PPFIA1: variants seen among roughly 807,000 people sequenced by gnomAD.
The protein encoded by PPFIA1 is liprin-alpha-1.
PPFIA1 carries 25 observed loss-of-function variants against 149.9 expected under a neutral mutation model. The ratio of observed to expected loss-of-function variants is 0.17; its 90% CI spans 0.12 to 0.23. The LOEUF is 0.23. PPFIA1 is among the 10% of genes least tolerant of loss of function. The pLI is 1.00. For missense variants in PPFIA1, 1,362 were observed against 1,506.5 expected, an observed-to-expected ratio of 0.90 and a Z score of 1.59; for synonymous variants, 549 against 552.8, an observed-to-expected ratio of 0.99 and a Z score of 0.10.
intron 2 of PPFIA1, among the ~76,000 whole-genome samples, chr11:70,315,692 T>G (rs2053575599): frequency 1.4e-5 from 2 of 147,414 alleles, no homozygotes; most frequent in South Asian, 4.3e-4. Flanking sequence ...TTTTTTTTTT[T>G]TTTTTTTTTT....
chr11:70,325,209 G>A (rs2054187311), intron 4 of PPFIA1, 198 bp downstream of exon 4: 1 of 502,032 alleles, frequency 2.0e-6, no homozygotes, highest in Non-Finnish European at 3.2e-6. Flanking sequence ...TTGATTTGCT[G>A]TTACAAATTG....
chr11:70,283,413 A>G (rs1162854313), intron 2 of PPFIA1, among the ~76,000 whole-genome samples: 2 of 152,082 alleles, frequency 1.3e-5, no homozygotes, highest in Admixed American at 1.3e-4. Flanking sequence ...CAATCTGCCA[A>G]TCCCTGAAGC....
At chr11:70,366,921 AT>A (rs1197061450) in intron 21 of PPFIA1, among the ~76,000 whole-genome samples, 1 of 151,800 alleles carries the variant, frequency 6.6e-6, no homozygotes, top group Non-Finnish European at 1.5e-5. Flanking sequence ...TTCTCTCTTG[AT>A]TTAAGCATTC....
Position 70,382,212 on chromosome 11 carries a change from C to A in PPFIA1, c.*12+54C>A. ...GATGGCTCAGAGGCACAGCAGGAGTCATCGGAGCTGCAGTGCCAGACTAGG... is the reference window on the plus strand; with the variant it reads ...GATGGCTCAGAGGCACAGCAGGAGTAATCGGAGCTGCAGTGCCAGACTAGG... On this transcript the variant is annotated intron_variant, in intron 27 of 27. Transcript: ENST00000253925. 6 of 1,426,434 alleles carry A rather than the reference C, an allele frequency of 4.2e-6. No homozygotes were observed. The South Asian group carries it at 5.9e-5, about 14-fold the overall frequency. 88.4% of individuals were successfully genotyped at this position (1,426,434 alleles called of 1,614,324 possible).
chr11:70,352,453 T>C (rs2056106812), intron 16 of PPFIA1, among the ~76,000 whole-genome samples: 1 of 152,166 alleles, frequency 6.6e-6, no homozygotes, highest in Non-Finnish European at 1.5e-5. Context: ...AGCATGTTGA[T>C]TGACACTTAG....
chr11:70,377,169 C>CCCTCAAAA (rs2057527710), intron 25 of PPFIA1, among the ~76,000 whole-genome samples: 1 of 151,722 alleles, frequency 6.6e-6, no homozygotes, highest in Admixed American at 6.6e-5. Flanking sequence ...TTTTTGACAT[C>CCCTCAAAA]CCTCAAAAAT....
chr11:70,332,098 G>T lies in PPFIA1; in HGVS notation c.1212+4G>T. ...GAGGGTGGCAGCGCTTTCCAAGGTA[G>T]TGCCATGAGCTTCATTCTGGTTCGG... is the stretch of plus-strand genomic sequence containing the variant. On this transcript the variant is annotated splice_donor_region_variant and intron_variant, in intron 9 of 27. Transcript: ENST00000253925. The T allele has an allele frequency of 2.5e-6, 4 of 1,592,156 alleles. No individual in the cohort carries two copies. The highest frequency in any genetic ancestry group is 3.4e-6 in the Non-Finnish European group (4 of 1,171,812).
chr11:70,352,593 A>G (rs941413804), intron 16 of PPFIA1, among the ~76,000 whole-genome samples: 1 of 152,048 alleles, frequency 6.6e-6, no homozygotes, highest in Non-Finnish European at 1.5e-5. Flanking sequence ...CTTGTCTACA[A>G]GAGACTGTCG....
At position 70,371,959 on chromosome 11, in the gene PPFIA1, T is replaced by G. The variant is rs563037169; in HGVS notation, c.2866-256T>G. 12 of 286,198 alleles carry G rather than the reference T, an allele frequency of 4.2e-5. No individual in the cohort carries two copies. The Admixed American group carries it at 5.7e-4, about 14-fold the overall frequency. The allele number at this position is 286,198 out of a possible 1,614,324, so 17.7% of individuals were successfully genotyped here. A position where few individuals can be genotyped will look rare whatever the true frequency, so the allele number is the denominator to read the frequency against. On this transcript the variant is annotated intron_variant, in intron 21 of 27. Coordinates refer to ENST00000253925, the MANE Select transcript of PPFIA1 (RefSeq NM_003626.5). ...AGAGGAAATTTATAGCCAGTTACAG[T>G]TTTTTTGTAGTTTGATTTAAAAGTT...
chr11:70,343,589 T>C, intron 14 of PPFIA1, 80 bp from the exon 15 acceptor site: 2 of 1,288,670 alleles, frequency 1.6e-6, no homozygotes, highest in Non-Finnish European at 2.2e-6. Context: ...ATTAAAGAAT[T>C]CCTAAATTTC....
At chr11:70,300,535 A>AG (rs2052417418) in intron 2 of PPFIA1, among the ~76,000 whole-genome samples, 1 of 131,306 alleles carries the variant, frequency 7.6e-6, no homozygotes, top group South Asian at 2.5e-4. Flanking sequence ...TGCCCACCTA[A>AG]TTTTTTTTTT....
chr11:70,277,552 A>G (rs2050485043), intron 2 of PPFIA1, among the ~76,000 whole-genome samples: 1 of 150,348 alleles, frequency 6.7e-6, no homozygotes, highest in Non-Finnish European at 1.5e-5. Flanking sequence ...GTGCAGTGGC[A>G]CGATCTTGGC....
intron 2 of PPFIA1, among the ~76,000 whole-genome samples, chr11:70,305,976 A>T (rs894628835): frequency 8.5e-5 from 13 of 152,226 alleles, no homozygotes; most frequent in African/African-American, 3.1e-4. Context: ...TTCAAAACGG[A>T]GAAATTGTGC....
intron 11 of PPFIA1, among the ~76,000 whole-genome samples, 164 bp from the exon 12 acceptor site, chr11:70,337,201 C>G (rs371360304): frequency 4.6e-5 from 7 of 151,856 alleles, no homozygotes; most frequent in Admixed American, 1.3e-4. Context: ...GAGAAGGTGT[C>G]GCCGCCTCAC....
intron 25 of PPFIA1, among the ~76,000 whole-genome samples, chr11:70,376,957 C>T (rs947953008): frequency 2.0e-5 from 3 of 152,008 alleles, no homozygotes; most frequent in Non-Finnish European, 4.4e-5. Flanking sequence ...CCTATAATCG[C>T]AGCTACTTGG....
rs145983255 is a variant in PPFIA1 at position 70,335,710 on chromosome 11, C to T, written c.1428+16C>T. On this transcript the variant is annotated intron_variant, in intron 11 of 27. Coordinates refer to ENST00000253925, the MANE Select transcript of PPFIA1 (RefSeq NM_003626.5). ...GGAAGATAAGGTAAGTTAGATAACA[C>T]GGACATGCTGGAGCTTTCCCACCCT... is the stretch of plus-strand genomic sequence containing the variant. 3.8e-4 allele frequency: 615 copies of T among 1,612,978 alleles called. 5 individuals are homozygous for T. The highest frequency in any genetic ancestry group is 1.5e-3 in the South Asian group (136 of 90,986).
intron 2 of PPFIA1, among the ~76,000 whole-genome samples, chr11:70,307,497 G>A (rs190177532): frequency 1.3e-5 from 2 of 152,196 alleles, no homozygotes; most frequent in East Asian, 3.9e-4. Flanking sequence ...AAACAGGAAA[G>A]GCACAACTTT....
chr11:70,337,468 A>C, intron 12 of PPFIA1, 41 bp downstream of exon 12: 1 of 1,453,060 alleles, frequency 6.9e-7, no homozygotes, highest in Middle Eastern at 1.8e-4. Flanking sequence ...GCCAAGTTGA[A>C]CTGAGTTGAT....
rs2137219593 is a variant in PPFIA1, at chr11:70,348,214, A to G, written c.1957A>G (p.Thr653Ala). Residue 653 changes from threonine to alanine, a missense_variant, in exon 16 of 28, where the codon ACA becomes GCA. This residue lies in a region of PPFIA1 where 733 missense variants were observed against 744.1 expected (regional missense o/e 0.99). Coordinates refer to ENST00000253925, the MANE Select transcript of PPFIA1 (RefSeq NM_003626.5). Reference sequence around the variant, plus strand: ...GTTGATTCAGGAAGAAAAAGAAAATACAGAGCAGCGGGCAGAGGAGATTGA... The same window carrying G: ...GTTGATTCAGGAAGAAAAAGAAAATGCAGAGCAGCGGGCAGAGGAGATTGA... ...IRLIQEEKENTEQRAEEIESR... is the reference protein window; with the variant it reads ...IRLIQEEKENAEQRAEEIESR... The G allele has an allele frequency of 2.5e-6, 4 of 1,614,228 alleles. No homozygotes were observed. In the South Asian group the frequency reaches 3.3e-5, roughly 13 times the overall value.
Sources: gnomAD v4.1 joint callset for allele counts (sites outside exome capture counted in the v4.1 genomes callset) on GRCh38, gnomAD v4.1.1 for gene constraint, gnomAD v4.1.1 regional missense constraint, MANE v1.5 for transcripts, NCBI Gene and HGNC (gene_info 2026-07-23, HGNC 2026-07-21) for gene names.